TEX11: variants seen among roughly 807,000 people sequenced by gnomAD.
TEX11 encodes testis-expressed protein 11.
In TEX11, 7 loss-of-function variants were observed where a neutral mutation model predicts 84.4. That is an observed-to-expected ratio of 0.08 (90% CI 0.05 to 0.16). The LOEUF is 0.16. Among genes scored for constraint, TEX11 ranks in the 10% least tolerant of loss-of-function variants. The pLI, the probability that TEX11 is intolerant of heterozygous loss-of-function variation, is 1.00. For missense variants in TEX11, 551 were observed against 660.5 expected (o/e 0.83, Z 1.82); for synonymous variants, 264 against 222.8 (o/e 1.18, Z -1.64).
chrX:70,607,519 G>A (rs1422522829), intron 22 of TEX11, among the ~76,000 whole-genome samples: 1 of 110,806 alleles, frequency 9.0e-6, no homozygotes, highest in Non-Finnish European at 1.9e-5. Flanking sequence ...AGGAATTTGA[G>A]GTTACAGTGA....
intron 13 of TEX11, among the ~76,000 whole-genome samples, chrX:70,700,043 G>C (rs776581820): frequency 9.0e-6 from 1 of 111,444 alleles, no homozygotes; most frequent in Non-Finnish European, 1.9e-5. Flanking sequence ...GCATTGGTAC[G>C]ATGTGTGAAC....
intron 17 of TEX11, among the ~76,000 whole-genome samples, chrX:70,637,071 A>T (rs150583140): frequency 0.047 from 5,237 of 111,567 alleles, 145 homozygotes; most frequent in Non-Finnish European, 0.074. Context: ...AAGAAAACCC[A>T]CTAAAAAGTG....
chrX:70,689,628 A>T (rs2090217629), intron 13 of TEX11, among the ~76,000 whole-genome samples: 1 of 112,124 alleles, frequency 8.9e-6, no homozygotes. Flanking sequence ...CAATCTGAAC[A>T]ACAAAAATGT....
intron 9 of TEX11, among the ~76,000 whole-genome samples, chrX:70,797,685 G>T (rs767471612): frequency 9.3e-6 from 1 of 107,033 alleles, no homozygotes; most frequent in East Asian, 2.9e-4. Flanking sequence ...ATATGAGGGT[G>T]GGGGTGGTTC....
chrX:70,817,244 C>CAT (rs752569939), intron 8 of TEX11, among the ~76,000 whole-genome samples: 5 of 100,895 alleles, frequency 5.0e-5, no homozygotes, highest in African/African-American at 1.5e-4. Flanking sequence ...CACACACACA[C>CAT]ATATATATAT....
intron 22 of TEX11, 120 bp downstream of exon 22, chrX:70,608,971 C>A: frequency 1.9e-6 from 1 of 524,155 alleles, no homozygotes; most frequent in East Asian, 3.8e-5. Context: ...AGTAATAAAA[C>A]AGATTAAGCA....
At chrX:70,767,786 T>A (rs1221442235) in intron 9 of TEX11, among the ~76,000 whole-genome samples, 1 of 111,989 alleles carries the variant, frequency 8.9e-6, no homozygotes, top group Non-Finnish European at 1.9e-5. Flanking sequence ...GGAGTCTTAT[T>A]TAGCCATAAA....
rs931107474 is a variant in TEX11, at chrX:70,639,082, G to A, written c.1484-9347C>T. 6.3e-5 allele frequency among the ~76,000 whole-genome samples: 7 copies of A among 111,372 alleles called. No individual in the cohort carries two copies. The East Asian group carries it at 1.2e-3, about 18-fold the overall frequency. On this transcript the variant is annotated intron_variant, in intron 17 of 29. Coordinates refer to ENST00000374333, the MANE Select transcript of TEX11 (RefSeq NM_031276.3). ...CACCGTGCGCTAGCCGAAGCAGGGC[G>A]AGGCATTGCCTCACTCGGCGGGGGG...
At chrX:70,634,848 C>T (rs1221688433) in intron 17 of TEX11, among the ~76,000 whole-genome samples, 1 of 112,238 alleles carries the variant, frequency 8.9e-6, no homozygotes, top group African/African-American at 3.2e-5. Context: ...TGTCACCTTG[C>T]AGTAGGCAAA....
chrX:70,824,903 C>G (rs1445445486), intron 8 of TEX11, among the ~76,000 whole-genome samples: 1 of 111,384 alleles, frequency 9.0e-6, no homozygotes, highest in Non-Finnish European at 1.9e-5. Flanking sequence ...AACCATAACC[C>G]ACAAAAAATG....
intron 7 of TEX11, among the ~76,000 whole-genome samples, chrX:70,834,313 T>C: frequency 8.9e-6 from 1 of 112,101 alleles, no homozygotes; most frequent in African/African-American, 3.2e-5. Flanking sequence ...CACAGATTGT[T>C]TCCTCATCCA....
Position 70,873,416 on chromosome X carries a change from G to A in TEX11, c.160-109C>T, listed in dbSNP as rs2091639606. 2.6e-5 allele frequency: 14 copies of A among 543,116 alleles called. No individual in the cohort carries two copies. The South Asian group carries it at 4.2e-4, about 16-fold the overall frequency. 44.8% of individuals were successfully genotyped at this position (543,116 alleles called of 1,213,427 possible). A position where few individuals can be genotyped will look rare whatever the true frequency, so the allele number is the denominator to read the frequency against. ...ATGTAACTATTGTGGGTCATTTCCA[G>A]GCCCTCCATAATCTAGTCGCATTCT... On this transcript the variant is annotated intron_variant, in intron 3 of 29. Transcript: ENST00000374333.
intron 28 of TEX11, among the ~76,000 whole-genome samples, chrX:70,548,922 C>T (rs2088175225): frequency 1.8e-5 from 2 of 111,464 alleles, no homozygotes; most frequent in Admixed American, 1.9e-4. Context: ...AGTGAGACAC[C>T]AGCCAGGGCA....
At chrX:70,825,181 G>C (rs1029216052) in intron 8 of TEX11, among the ~76,000 whole-genome samples, 2 of 109,807 alleles carry the variant, frequency 1.8e-5, no homozygotes, top group Non-Finnish European at 3.8e-5. Flanking sequence ...GCATGGTGGT[G>C]TACGCTTGTA....
chrX:70,538,523 C>T (rs1051243154), intron 28 of TEX11, among the ~76,000 whole-genome samples: 7 of 110,740 alleles, frequency 6.3e-5, no homozygotes, highest in East Asian at 5.7e-4. Context: ...GGTGCAGGGG[C>T]TCACACCTGT....
downstream of TEX11, among the ~76,000 whole-genome samples, chrX:70,526,610 T>G (rs1416243232): frequency 1.8e-5 from 2 of 110,411 alleles, no homozygotes; most frequent in Non-Finnish European, 3.8e-5. Flanking sequence ...GAGCTATCAG[T>G]ATGAACTCAT....
chrX:70,889,123 A>G (rs1057465689), intron 2 of TEX11, among the ~76,000 whole-genome samples: 1 of 111,160 alleles, frequency 9.0e-6, no homozygotes, highest in African/African-American at 3.3e-5. Flanking sequence ...TGAGCAATAA[A>G]AAATCATCTG....
chrX:70,701,393 G>T (rs780397809), intron 13 of TEX11, among the ~76,000 whole-genome samples: 7 of 111,790 alleles, frequency 6.3e-5, no homozygotes, highest in Non-Finnish European at 1.3e-4. Flanking sequence ...TCTATAAATG[G>T]AACAACAAAG....
Position 70,608,178 on chromosome X carries a change from G to A in TEX11, c.1879+913C>T, listed in dbSNP as rs948807894. On this transcript the variant is annotated intron_variant, in intron 22 of 29. Transcript: ENST00000374333. ...TTTCACAAAGTGGACATATCCATGC[G>A]TCTGGCACCCACATTAAGAAAGATC... Among the ~76,000 whole-genome samples the A allele has an allele frequency of 6.2e-5, 7 of 112,018 alleles. No homozygotes were observed. The East Asian group carries it at 1.1e-3, about 18-fold the overall frequency.
Sources: allele counts gnomAD v4.1 joint callset (sites outside exome capture counted in the v4.1 genomes callset), GRCh38; gene constraint gnomAD v4.1.1; transcripts MANE v1.5; gene names NCBI Gene and HGNC (gene_info 2026-07-23, HGNC 2026-07-21).